The following MYO1E variants were observed in gnomAD, a reference collection of about 807,000 sequenced individuals.
The protein encoded by MYO1E is myosin IE.
MYO1E carries 68 observed loss-of-function variants against 151.1 expected under a neutral mutation model. The observed-to-expected ratio is 0.45, with a 90% CI of 0.37 to 0.55. The LOEUF is 0.55. Ranked by LOEUF, MYO1E falls within the 20% of genes least tolerant of loss-of-function variation. The probability of loss-of-function intolerance (pLI) is 0.00; values close to 1 mark genes in which losing one functional copy is unlikely to be tolerated. For synonymous variants in MYO1E, 601 were observed against 501.7 expected (o/e 1.20, Z -2.64); for missense variants, 1,363 against 1,389.3 (o/e 0.98, Z 0.30).
intron 12 of MYO1E, 65 bp from the exon 13 acceptor site, chr15:59,210,665 C>T: frequency 9.0e-7 from 1 of 1,105,434 alleles, no homozygotes; most frequent in Non-Finnish European, 1.4e-6. Context: ...ACGGACAGAC[C>T]CTGAATGGAC....
chr15:59,293,520 T>C (rs1379130993), intron 1 of MYO1E, among the ~76,000 whole-genome samples: 1 of 151,544 alleles, frequency 6.6e-6, no homozygotes, highest in East Asian at 1.9e-4. Context: ...CACTCCAGCC[T>C]GGGTGACAGA....
At chr15:59,281,686 C>T (rs949218116) in intron 1 of MYO1E, among the ~76,000 whole-genome samples, 2 of 152,202 alleles carry the variant, frequency 1.3e-5, no homozygotes, top group Non-Finnish European at 2.9e-5. Context: ...GCACTTGCTT[C>T]AAATTTTTCT....
intron 12 of MYO1E, among the ~76,000 whole-genome samples, chr15:59,211,393 A>G (rs2079878411): frequency 6.6e-6 from 1 of 151,912 alleles, no homozygotes; most frequent in Non-Finnish European, 1.5e-5. Context: ...CCAGACCTTT[A>G]TATGTGGTAG....
At chr15:59,251,896 T>A (rs566771409) in intron 4 of MYO1E, among the ~76,000 whole-genome samples, 5 of 152,352 alleles carry the variant, frequency 3.3e-5, no homozygotes, top group Admixed American at 2.6e-4. Context: ...CTGCAAATAT[T>A]GGATATTTGG....
intron 1 of MYO1E, among the ~76,000 whole-genome samples, chr15:59,342,075 T>C (rs1392723537): frequency 6.6e-6 from 1 of 152,254 alleles, no homozygotes; most frequent in African/African-American, 2.4e-5. Flanking sequence ...CCATTTTTAC[T>C]TGGGTGAGAT....
At chr15:59,160,665 G>A (rs939208370) in intron 24 of MYO1E, among the ~76,000 whole-genome samples, 6 of 151,718 alleles carry the variant, frequency 4.0e-5, no homozygotes, top group African/African-American at 1.2e-4. Flanking sequence ...GCGATCGTCC[G>A]GCCTTGGCCT....
chr15:59,227,230 A>G lies in MYO1E; in HGVS notation c.642+229T>C, dbSNP rs535318028. On this transcript the variant is annotated intron_variant, in intron 7 of 27. Transcript: ENST00000288235. ...CTCGTTTTGTTTTGAAGTTACATCA[A>G]TACTTTCTTGATGATTTAGCTTTGG... 3.9e-5 allele frequency among the ~76,000 whole-genome samples: 6 copies of G among 152,320 alleles called. No homozygotes were observed. In the East Asian group the frequency reaches 7.7e-4, roughly 20 times the overall value.
At chr15:59,296,698 C>G (rs578236356) in intron 1 of MYO1E, among the ~76,000 whole-genome samples, 9 of 152,184 alleles carry the variant, frequency 5.9e-5, no homozygotes, top group African/African-American at 2.2e-4. Context: ...GCTGATCCAT[C>G]CCAGAGTAAA....
chr15:59,209,934 A>C (rs1390478827), intron 13 of MYO1E, among the ~76,000 whole-genome samples: 1 of 146,968 alleles, frequency 6.8e-6, no homozygotes, highest in Admixed American at 7.0e-5. Context: ...TCCCAGGCTC[A>C]AGCGATCCTC....
chr15:59,209,953 G>C (rs922455710), intron 13 of MYO1E, among the ~76,000 whole-genome samples: 1 of 146,418 alleles, frequency 6.8e-6, no homozygotes, highest in Non-Finnish European at 1.5e-5. Flanking sequence ...TCCCACCTCA[G>C]CCTCCAGAGT....
At chr15:59,301,434 CTG>C (rs2080481965) in intron 1 of MYO1E, among the ~76,000 whole-genome samples, 1 of 152,220 alleles carries the variant, frequency 6.6e-6, no homozygotes, top group African/African-American at 2.4e-5. Flanking sequence ...AGGAACATCT[CTG>C]TGCAATCCTG....
intron 1 of MYO1E, among the ~76,000 whole-genome samples, chr15:59,353,519 G>A (rs1219664333): frequency 6.6e-6 from 1 of 151,896 alleles, no homozygotes; most frequent in African/African-American, 2.4e-5. Context: ...CACTTTGGGA[G>A]GCTGAGGCGG....
chr15:59,306,280 T>C (rs556033048), intron 1 of MYO1E, among the ~76,000 whole-genome samples: 1 of 152,240 alleles, frequency 6.6e-6, no homozygotes, highest in Non-Finnish European at 1.5e-5. Flanking sequence ...TATATTTCTG[T>C]GCTCACTAAT....
chr15:59,224,543 A>C, intron 8 of MYO1E, 146 bp downstream of exon 8: 1 of 1,086,450 alleles, frequency 9.2e-7, no homozygotes, highest in Non-Finnish European at 1.4e-6. Context: ...GGATACTGAA[A>C]CATGTATGAG....
intron 7 of MYO1E, among the ~76,000 whole-genome samples, chr15:59,225,416 A>G (rs1201635923): frequency 6.6e-6 from 1 of 152,096 alleles, no homozygotes; most frequent in Non-Finnish European, 1.5e-5. Flanking sequence ...CTTTTGCCCA[A>G]GAGCTCTGAC....
rs186526159 is a variant in MYO1E at position 59,227,512 on chromosome 15, A to G, written c.589T>C (p.Ser197Pro). The G allele has an allele frequency of 1.2e-6, 2 of 1,614,082 alleles. No homozygotes were observed. The highest frequency in any genetic ancestry group is 1.7e-5 in the Admixed American group (1 of 60,020). Reference sequence around the variant, plus strand: ...CCTGGGTTCCTCATCACCACCCTAGATTTTTCCAGAAGGAAGTTGGAGATC... The same window carrying G: ...CCTGGGTTCCTCATCACCACCCTAGGTTTTTCCAGAAGGAAGTTGGAGATC... ...GKISNFLLEK[S>P]RVVMRNPGER... The change falls in exon 7 of 28, where the codon TCT (serine) becomes CCT (proline). Residue 197 changes from serine to proline, a missense_variant. Physicochemically the swap from Ser to Pro is moderately conservative, Grantham distance 74. Transcript: ENST00000288235.
At chr15:59,340,102 T>C (rs2080756062) in intron 1 of MYO1E, among the ~76,000 whole-genome samples, 1 of 152,148 alleles carries the variant, frequency 6.6e-6, no homozygotes, top group Non-Finnish European at 1.5e-5. Flanking sequence ...GTGATCTGCC[T>C]GTCTCGGCCT....
At chr15:59,240,439 C>T (rs900424337) in intron 4 of MYO1E, among the ~76,000 whole-genome samples, 2 of 151,858 alleles carry the variant, frequency 1.3e-5, no homozygotes, top group Non-Finnish European at 2.9e-5. Flanking sequence ...AAAATATCAA[C>T]GAAATGGAAA....
intron 26 of MYO1E, among the ~76,000 whole-genome samples, chr15:59,147,441 A>C (rs1388204289): frequency 6.6e-6 from 1 of 151,946 alleles, no homozygotes; most frequent in Non-Finnish European, 1.5e-5. Flanking sequence ...CCCTACTAAA[A>C]ATTAGCCAGG....
Sources: gnomAD v4.1 joint callset for allele counts (sites outside exome capture counted in the v4.1 genomes callset) on GRCh38, gnomAD v4.1.1 for gene constraint, MANE v1.5 for transcripts, NCBI Gene and HGNC (gene_info 2026-07-23, HGNC 2026-07-21) for gene names.